The following PPP2R5A variants were observed in gnomAD, a reference collection of about 807,000 sequenced individuals.
The protein encoded by PPP2R5A is protein phosphatase 2 regulatory subunit B'alpha.
A neutral mutation model predicts 64.2 loss-of-function variants in PPP2R5A; 25 were observed. The ratio of observed to expected loss-of-function variants is 0.39; its 90% CI spans 0.28 to 0.54. The LOEUF is 0.54. PPP2R5A is among the 20% of genes least tolerant of loss of function. The probability of loss-of-function intolerance (pLI) is 0.67; values close to 1 mark genes in which losing one functional copy is unlikely to be tolerated. For synonymous variants in PPP2R5A, 198 were observed against 201.2 expected (o/e 0.98, Z 0.13); for missense variants, 425 against 576.3 (o/e 0.74, Z 2.69).
At chr1:212,332,906 T>A (rs890742153) in intron 2 of PPP2R5A, among the ~76,000 whole-genome samples, 5 of 149,614 alleles carry the variant, frequency 3.3e-5, no homozygotes, top group African/African-American at 1.2e-4. Context: ...TTTTTATTTT[T>A]ATTTTTATTT....
intron 4 of PPP2R5A, among the ~76,000 whole-genome samples, chr1:212,344,856 C>T (rs2102442406): frequency 6.6e-6 from 1 of 152,176 alleles, no homozygotes; most frequent in African/African-American, 2.4e-5. Flanking sequence ...AATTTTTCAG[C>T]TATTTGCTAA....
At chr1:212,352,372 G>A (rs191560489) in intron 8 of PPP2R5A, among the ~76,000 whole-genome samples, 7 of 151,736 alleles carry the variant, frequency 4.6e-5, no homozygotes, top group Admixed American at 1.3e-4. Flanking sequence ...CCCAGTGTTC[G>A]TTATTCAATA....
In PPP2R5A at chr1:212,331,074, C is replaced by T. The variant is rs529563240; in HGVS notation, c.378+1743C>T. Among the ~76,000 whole-genome samples the T allele has an allele frequency of 1.3e-4, 20 of 150,874 alleles. 1 individual carries two copies. The highest frequency in any genetic ancestry group is 3.5e-3 in the Middle Eastern group (1 of 288). Reference sequence around the variant, plus strand: ...TCCCAACTATTTGGGAGGCTGAGGCCGGAGAATTGCTCGAACCTGGGAGGC... The same window carrying T: ...TCCCAACTATTTGGGAGGCTGAGGCTGGAGAATTGCTCGAACCTGGGAGGC... On this transcript the variant is annotated intron_variant, in intron 2 of 12. Transcript: ENST00000261461.
At chr1:212,295,550 T>C (rs1658678073) in intron 1 of PPP2R5A, among the ~76,000 whole-genome samples, 1 of 151,868 alleles carries the variant, frequency 6.6e-6, no homozygotes. Context: ...CCACTGAAAA[T>C]GGATAGAATG....
At chr1:212,316,077 A>G (rs2102423001) in intron 1 of PPP2R5A, among the ~76,000 whole-genome samples, 1 of 152,310 alleles carries the variant, frequency 6.6e-6, no homozygotes. Flanking sequence ...CTGAGACACA[A>G]CAAAATTGAG....
At chr1:212,295,601 G>T (rs1263127115) in intron 1 of PPP2R5A, among the ~76,000 whole-genome samples, 1 of 152,168 alleles carries the variant, frequency 6.6e-6, no homozygotes, top group Non-Finnish European at 1.5e-5. Flanking sequence ...TAATGGGTAA[G>T]GGAAAAAGGT....
At chr1:212,306,486 A>G (rs907099259) in intron 1 of PPP2R5A, among the ~76,000 whole-genome samples, 14 of 152,286 alleles carry the variant, frequency 9.2e-5, no homozygotes, top group South Asian at 2.1e-4. Flanking sequence ...ATATATATCT[A>G]TTTAAGATAT....
intron 1 of PPP2R5A, among the ~76,000 whole-genome samples, chr1:212,318,889 C>A (rs1482537935): frequency 2.0e-5 from 3 of 152,148 alleles, no homozygotes. Flanking sequence ...GACCATTTTA[C>A]ATAAGGGACT....
intron 1 of PPP2R5A, among the ~76,000 whole-genome samples, chr1:212,289,397 G>A: frequency 6.6e-6 from 1 of 152,146 alleles, no homozygotes; most frequent in East Asian, 1.9e-4. Flanking sequence ...TGCAAGGTCA[G>A]TATTCCCATT....
At chr1:212,335,580 T>G in intron 3 of PPP2R5A, among the ~76,000 whole-genome samples, 1 of 152,192 alleles carries the variant, frequency 6.6e-6, no homozygotes, top group South Asian at 2.1e-4. Context: ...TTATTCATTC[T>G]GTGTAGCACC....
chr1:212,292,048 A>G (rs985403378), intron 1 of PPP2R5A, among the ~76,000 whole-genome samples: 1 of 152,234 alleles, frequency 6.6e-6, no homozygotes, highest in Non-Finnish European at 1.5e-5. Flanking sequence ...AATACAAGAT[A>G]TTGAACAAAG....
At position 212,360,767 on chromosome 1, in the gene PPP2R5A, A is replaced by AT. The variant is rs755633598; in HGVS notation, c.1459dup (p.Ter487LeufsTer11). 6.6e-7 allele frequency: 1 copy of AT among 1,517,644 alleles called. No homozygotes were observed. 94.0% of individuals were successfully genotyped at this position (1,517,644 alleles called of 1,614,324 possible). ...GTATTCTCAGCAATACAAGTGCCGAATAAAAAAAAAGCCTCCCACCTCTGC... is the reference window on the plus strand; with the variant it reads ...GTATTCTCAGCAATACAAGTGCCGAATTAAAAAAAAAGCCTCCCACCTCTGC... On this transcript the variant is annotated frameshift_variant, in exon 13 of 13. Transcript: ENST00000261461. LOFTEE classifies it high-confidence loss of function.
chr1:212,302,181 A>C, intron 1 of PPP2R5A: 1 of 1,247,554 alleles, frequency 8.0e-7, no homozygotes, highest in Non-Finnish European at 1.1e-6. Context: ...GGGAAGATGC[A>C]TTTGAAACAG....
intron 1 of PPP2R5A, among the ~76,000 whole-genome samples, chr1:212,297,244 C>G (rs1227942433): frequency 1.3e-5 from 2 of 151,074 alleles, no homozygotes; most frequent in Non-Finnish European, 2.9e-5. Flanking sequence ...GCCTCAGCCT[C>G]CCGAGTAGCT....
chr1:212,356,846 T>C (rs1659985465), intron 9 of PPP2R5A, 104 bp from the exon 10 acceptor site: 1 of 1,277,098 alleles, frequency 7.8e-7, no homozygotes, highest in Admixed American at 2.8e-5. Flanking sequence ...AGACATTTTT[T>C]TGCTTATTGT....
intron 8 of PPP2R5A, among the ~76,000 whole-genome samples, chr1:212,351,168 G>C (rs1400675994): frequency 2.0e-5 from 3 of 151,708 alleles, no homozygotes; most frequent in Non-Finnish European, 4.4e-5. Context: ...CAGTTATTCA[G>C]CTTTTATCTG....
chr1:212,352,087 C>T (rs2102447258), intron 8 of PPP2R5A, among the ~76,000 whole-genome samples: 1 of 151,314 alleles, frequency 6.6e-6, no homozygotes, highest in South Asian at 2.1e-4. Flanking sequence ...TCAGTGGCAC[C>T]ATCTCGGCTC....
At chr1:212,296,897 A>G (rs1658702198) in intron 1 of PPP2R5A, among the ~76,000 whole-genome samples, 1 of 152,190 alleles carries the variant, frequency 6.6e-6, no homozygotes, top group Non-Finnish European at 1.5e-5. Flanking sequence ...AAACCTAGGT[A>G]GGTTACATTC....
chr1:212,304,094 T>C (rs919397047), intron 1 of PPP2R5A, among the ~76,000 whole-genome samples: 4 of 152,242 alleles, frequency 2.6e-5, no homozygotes, highest in Non-Finnish European at 5.9e-5. Flanking sequence ...TATCTTTCTC[T>C]CTAAACACCC....
Sources: gnomAD v4.1 joint callset for allele counts (sites outside exome capture counted in the v4.1 genomes callset) on GRCh38, gnomAD v4.1.1 for gene constraint, MANE v1.5 for transcripts, NCBI Gene and HGNC (gene_info 2026-07-23, HGNC 2026-07-21) for gene names.